DPP6: variants seen among roughly 807,000 people sequenced by gnomAD.
DPP6 encodes dipeptidyl peptidase like 6.
In DPP6, 69 loss-of-function variants were observed where a neutral mutation model predicts 122.6. The ratio of observed to expected loss-of-function variants is 0.56; its 90% CI spans 0.46 to 0.69. The LOEUF (loss-of-function observed/expected upper bound fraction) is 0.69, where lower values mean the gene tolerates loss of function less well. Among genes scored for constraint, DPP6 ranks in the 30% least tolerant of loss-of-function variants. DPP6 has a pLI of 0.00. For synonymous variants in DPP6, 418 were observed against 433.1 expected (o/e 0.97, Z 0.43); for missense variants, 928 against 1,116.9 (o/e 0.83, Z 2.41).
chr7:154,575,401 G>GTA (rs1831542532), intron 5 of DPP6, among the ~76,000 whole-genome samples: 1 of 120,942 alleles, frequency 8.3e-6, no homozygotes, highest in Admixed American at 8.8e-5. Flanking sequence ...TGTAGTGTGT[G>GTA]TGTGGTGTTT....
At chr7:153,864,384 G>T in the DPP6 span, among the ~76,000 whole-genome samples, 2 of 152,154 alleles carry the variant, frequency 1.3e-5, no homozygotes, top group Admixed American at 1.3e-4. Context: ...GCCGGGCGTG[G>T]TGGCTCACAC....
At chr7:154,502,099 C>T (rs1825301990) in intron 3 of DPP6, among the ~76,000 whole-genome samples, 1 of 152,076 alleles carries the variant, frequency 6.6e-6, no homozygotes, top group Admixed American at 6.6e-5. Flanking sequence ...TTGGTTTTGG[C>T]CAATTTCTCA....
At chr7:154,066,645 A>G (rs1464703696) in intron 1 of DPP6, among the ~76,000 whole-genome samples, 2 of 151,516 alleles carry the variant, frequency 1.3e-5, no homozygotes, top group African/African-American at 4.8e-5. Flanking sequence ...GGAGCGAAGA[A>G]AGTGAGAGTC....
intron 1 of DPP6, among the ~76,000 whole-genome samples, chr7:154,195,009 A>T (rs894012764): frequency 6.6e-6 from 1 of 152,128 alleles, no homozygotes; most frequent in Non-Finnish European, 1.5e-5. Flanking sequence ...CCAGTTTGCC[A>T]GTTGGTTCTC....
chr7:154,189,084 T>C (rs1471561631), intron 1 of DPP6, among the ~76,000 whole-genome samples: 2 of 152,208 alleles, frequency 1.3e-5, no homozygotes, highest in East Asian at 3.9e-4. Flanking sequence ...TTGCGTTCTG[T>C]GGGTCTCCCT....
upstream of DPP6, among the ~76,000 whole-genome samples, chr7:154,051,839 G>A (rs1163756547): frequency 2.0e-5 from 3 of 150,430 alleles, no homozygotes; most frequent in Non-Finnish European, 4.5e-5. Flanking sequence ...GGAGGGAGCT[G>A]GGCTGTGGAG....
intron 15 of DPP6, among the ~76,000 whole-genome samples, 198 bp downstream of exon 15, chr7:154,805,162 C>T (rs1264187935): frequency 6.6e-6 from 1 of 152,204 alleles, no homozygotes; most frequent in African/African-American, 2.4e-5. Flanking sequence ...ACTTTTGAAG[C>T]TTTATTTTTC....
At chr7:153,883,421 T>C (rs530640462), upstream of DPP6, among the ~76,000 whole-genome samples, 1 of 152,316 alleles carries the variant, frequency 6.6e-6, no homozygotes, top group African/African-American at 2.4e-5. Context: ...TCGCTCTTGT[T>C]GCCCAGGCCG....
intron 1 of DPP6, among the ~76,000 whole-genome samples, chr7:154,248,177 C>G (rs1372350557): frequency 1.3e-5 from 2 of 152,132 alleles, no homozygotes; most frequent in African/African-American, 2.4e-5. Flanking sequence ...CTTGATCTAA[C>G]AGCTTTCAAA....
intron 24 of DPP6, 28 bp downstream of exon 24, chr7:154,889,372 T>A (rs1429170234): frequency 2.5e-6 from 4 of 1,611,102 alleles, no homozygotes; most frequent in Non-Finnish European, 3.4e-6. Flanking sequence ...GAATTCACTG[T>A]GTATCTAGTA....
chr7:153,871,239 G>A, the DPP6 span, among the ~76,000 whole-genome samples: 6 of 152,212 alleles, frequency 3.9e-5, no homozygotes, highest in Admixed American at 1.3e-4. Flanking sequence ...TCTGTGCCCT[G>A]CCCCCAGAGG....
chr7:153,972,756 C>CT (rs146471299), intron 1 of DPP6, among the ~76,000 whole-genome samples: 110,186 of 144,676 alleles, frequency 0.76, 41,167 homozygotes, highest in Non-Finnish European at 0.82. Context: ...TAAATTGCAA[C>CT]TTTTTTTTTT....
chr7:154,019,168 A>C (rs1585184571), intron 1 of DPP6, among the ~76,000 whole-genome samples: 1 of 152,154 alleles, frequency 6.6e-6, no homozygotes. Context: ...CAAACCTTAG[A>C]TGACTGACTA....
rs954043401 is a variant in DPP6 at position 154,796,110 on chromosome 7, C to A, written c.1299+227C>A. 3.5e-5 allele frequency: 21 copies of A among 593,700 alleles called. No homozygotes were observed. The African/African-American group carries it at 3.7e-4, about 11-fold the overall frequency. The allele number at this position is 593,700 out of a possible 1,614,324, so 36.8% of individuals were successfully genotyped here. On this transcript the variant is annotated intron_variant, in intron 12 of 25. Coordinates refer to ENST00000377770, the MANE Select transcript of DPP6 (RefSeq NM_130797.4). Reference sequence around the variant, plus strand: ...GTTCCAGGGAGGGTCGTGTGAAAATCACGGCTCTTCAGAGCGTGGAATGTT... The same window carrying A: ...GTTCCAGGGAGGGTCGTGTGAAAATAACGGCTCTTCAGAGCGTGGAATGTT...
At chr7:154,213,710 T>TA in intron 1 of DPP6, among the ~76,000 whole-genome samples, 1 of 152,270 alleles carries the variant, frequency 6.6e-6, no homozygotes, top group East Asian at 1.9e-4. Context: ...CCCAACCCTG[T>TA]GACTGATCCC....
chr7:154,070,345 C>A (rs1803032311), intron 1 of DPP6, among the ~76,000 whole-genome samples: 3 of 151,666 alleles, frequency 2.0e-5, no homozygotes, highest in Non-Finnish European at 4.4e-5. Context: ...AACCTTAAGC[C>A]TCGGTTTGAT....
At chr7:154,783,491 C>T (rs188096155) in intron 10 of DPP6, among the ~76,000 whole-genome samples, 71 of 152,278 alleles carry the variant, frequency 4.7e-4, no homozygotes, top group Non-Finnish European at 9.1e-4. Context: ...ATTATTGCGG[C>T]TCGCTGAGCA....
chr7:153,933,750 C>T (rs1356274258), intron 1 of DPP6, among the ~76,000 whole-genome samples: 1 of 152,124 alleles, frequency 6.6e-6, no homozygotes, highest in Non-Finnish European at 1.5e-5. Flanking sequence ...AGGTCGTCTC[C>T]CCTTCCCTTT....
At chr7:154,193,591 G>A (rs961861495) in intron 1 of DPP6, among the ~76,000 whole-genome samples, 1 of 152,180 alleles carries the variant, frequency 6.6e-6, no homozygotes, top group Non-Finnish European at 1.5e-5. Flanking sequence ...CAGGTGAGAG[G>A]TCTGCAGAGA....
Sources: gnomAD v4.1 joint callset for allele counts (sites outside exome capture counted in the v4.1 genomes callset) on GRCh38, gnomAD v4.1.1 for gene constraint, MANE v1.5 for transcripts, NCBI Gene and HGNC (gene_info 2026-07-23, HGNC 2026-07-21) for gene names.